PAN3: variants seen among roughly 807,000 people sequenced by gnomAD.
The protein encoded by PAN3 is poly(A) specific ribonuclease subunit PAN3, also known as PAN2-PAN3 deadenylation complex subunit PAN3.
PAN3 carries 19 observed loss-of-function variants against 96.2 expected under a neutral mutation model. The ratio of observed to expected loss-of-function variants is 0.20; its 90% confidence interval spans 0.14 to 0.29. The LOEUF is 0.29. Among genes scored for constraint, PAN3 ranks in the 10% least tolerant of loss-of-function variants. The probability of loss-of-function intolerance (pLI) is 1.00; values close to 1 mark genes in which losing one functional copy is unlikely to be tolerated. For synonymous variants in PAN3, 433 were observed against 406.6 expected, an observed-to-expected ratio of 1.06 and a Z score of -0.78; for missense variants, 882 against 1,108.1, an observed-to-expected ratio of 0.80 and a Z score of 2.90.
chr13:28,235,902 T>A (rs1020028200), intron 6 of PAN3, among the ~76,000 whole-genome samples: 2 of 151,598 alleles, frequency 1.3e-5, no homozygotes, highest in Admixed American at 6.6e-5. Context: ...TTTTTTTTTT[T>A]TATGGAGTTG....
chr13:28,181,813 G>C (rs1181743180), intron 4 of PAN3, among the ~76,000 whole-genome samples: 5 of 152,046 alleles, frequency 3.3e-5, no homozygotes, highest in Admixed American at 3.3e-4. Flanking sequence ...CAAAATTATA[G>C]GACCATGATT....
chr13:28,172,221 C>T (rs141582345), intron 1 of PAN3, among the ~76,000 whole-genome samples: 132 of 152,144 alleles, frequency 8.7e-4, no homozygotes, highest in African/African-American at 3.0e-3. Flanking sequence ...TTTGGGAGGC[C>T]GAGGCGGGTG....
chr13:28,209,826 T>G (rs900258625), intron 5 of PAN3, among the ~76,000 whole-genome samples: 1 of 152,046 alleles, frequency 6.6e-6, no homozygotes. Flanking sequence ...CTTTTACCAC[T>G]CTGGAGTGCG....
chr13:28,186,812 C>G (rs1379753963), intron 4 of PAN3, among the ~76,000 whole-genome samples: 2 of 151,748 alleles, frequency 1.3e-5, no homozygotes, highest in Admixed American at 6.6e-5. Flanking sequence ...GACAACAGAA[C>G]AAGACTGTTA....
In PAN3 at chr13:28,138,836, A is replaced by G. The variant is rs1869162517; in HGVS notation, c.179A>G (p.Tyr60Cys). ...RYYAKDKTCF[Y>C]GEECQFLHED... Reference sequence around the variant, plus strand: ...TACGCTAAGGATAAGACTTGCTTCTACGGGGAGGAGTGTCAGTTCCTGCAT... The same window carrying G: ...TACGCTAAGGATAAGACTTGCTTCTGCGGGGAGGAGTGTCAGTTCCTGCAT... The change falls in exon 1 of 19, where the codon TAC becomes TGC. Residue 60 changes from tyrosine (Y) to cysteine (C), a missense_variant. Tyr to Cys is a radical substitution (Grantham distance 194, BLOSUM62 -2). Coordinates refer to ENST00000380958, the MANE Select transcript of PAN3 (RefSeq NM_175854.8). 1 of 1,419,122 alleles carries G rather than the reference A, an allele frequency of 7.0e-7. No homozygotes were observed. The highest frequency in any genetic ancestry group is 1.5e-5 in the South Asian group (1 of 65,652). 87.9% of individuals were successfully genotyped at this position (1,419,122 alleles called of 1,614,324 possible). A position where few individuals can be genotyped will look rare whatever the true frequency, so the allele number is the denominator to read the frequency against.
chr13:28,218,139 A>G (rs1260842111), intron 5 of PAN3, among the ~76,000 whole-genome samples: 1 of 152,072 alleles, frequency 6.6e-6, no homozygotes, highest in Admixed American at 6.5e-5. Flanking sequence ...AAACCAGTAG[A>G]AGTTTTAAGA....
chr13:28,256,568 G>A (rs947327337), intron 7 of PAN3, 29 bp downstream of exon 7: 50 of 1,587,784 alleles, frequency 3.1e-5, no homozygotes, highest in Non-Finnish European at 4.0e-5. Context: ...GGAAATTTTA[G>A]TACTCTCTTG....
rs1566257272 is a variant in PAN3 at position 28,280,554 on chromosome 13, A to ATTT, written c.2319+13_2319+14insTTT. The ATTT allele has an allele frequency of 1.1e-5, 16 of 1,427,458 alleles. No homozygotes were observed. The highest frequency in any genetic ancestry group is 3.6e-4 in the Middle Eastern group (2 of 5,526). The allele number at this position is 1,427,458 out of a possible 1,614,324, so 88.4% of individuals were successfully genotyped here. On this transcript the variant is annotated intron_variant, in intron 16 of 18. Coordinates refer to ENST00000380958, the MANE Select transcript of PAN3 (RefSeq NM_175854.8). ...AGACCTTGCAAAGGTAAAGAGTGTAAATTTTTTTTTTTTTTTTTTTTTTTT... is the reference window on the plus strand; with the variant it reads ...AGACCTTGCAAAGGTAAAGAGTGTAATTTATTTTTTTTTTTTTTTTTTTTTTTT...
intron 4 of PAN3, among the ~76,000 whole-genome samples, chr13:28,185,518 G>A (rs1187596765): frequency 6.6e-6 from 1 of 152,082 alleles, no homozygotes; most frequent in Admixed American, 6.6e-5. Context: ...GTTTAATCCA[G>A]AAAACTTCCT....
At chr13:28,250,269 G>A (rs1177438969) in intron 6 of PAN3, among the ~76,000 whole-genome samples, 5 of 151,078 alleles carry the variant, frequency 3.3e-5, no homozygotes, top group East Asian at 1.9e-4. Flanking sequence ...ATCATAGCTC[G>A]CTTTACCATT....
At chr13:28,168,055 C>T (rs559810127) in intron 1 of PAN3, among the ~76,000 whole-genome samples, 1 of 152,270 alleles carries the variant, frequency 6.6e-6, no homozygotes, top group South Asian at 2.1e-4. Flanking sequence ...GACTTAATCA[C>T]CTTCTAAAGG....
intron 1 of PAN3, among the ~76,000 whole-genome samples, chr13:28,163,969 T>C (rs550241369): frequency 2.6e-5 from 4 of 152,294 alleles, no homozygotes; most frequent in African/African-American, 9.6e-5. Context: ...GGTGTGCGCC[T>C]GTAGTCCCAG....
At chr13:28,201,433 C>T (rs984903878) in intron 5 of PAN3, among the ~76,000 whole-genome samples, 55 of 152,034 alleles carry the variant, frequency 3.6e-4, no homozygotes, top group African/African-American at 1.3e-3. Context: ...GTAGTCCCAG[C>T]TACTTGGGAG....
At chr13:28,180,491 T>C (rs1261030060) in intron 4 of PAN3, among the ~76,000 whole-genome samples, 1 of 152,202 alleles carries the variant, frequency 6.6e-6, no homozygotes, top group Non-Finnish European at 1.5e-5. Context: ...GTATGACATA[T>C]TACACATAGT....
chr13:28,247,496 A>G (rs1884316050), intron 6 of PAN3, among the ~76,000 whole-genome samples: 4 of 152,114 alleles, frequency 2.6e-5, no homozygotes, highest in Admixed American at 2.6e-4. Context: ...ATCTTACGCA[A>G]AATATCTTTG....
At position 28,261,474 on chromosome 13, in the gene PAN3, ATCCT is replaced by A. The variant is rs1404848215; in HGVS notation, c.1411+22_1411+25del. 6.3e-7 allele frequency: 1 copy of A among 1,599,884 alleles called. No individual in the cohort carries two copies. The highest frequency in any genetic ancestry group is 1.3e-5 in the African/African-American group (1 of 74,472). The stretch of plus-strand genomic sequence containing the variant: ...GATATGCCAGGTAAAAAGCAAGTTG[ATCCT>A]TCCTTTCTTTTAAAGGCTGTTATAA... On this transcript the variant is annotated intron_variant, in intron 9 of 18. Coordinates refer to ENST00000380958, the MANE Select transcript of PAN3 (RefSeq NM_175854.8).
chr13:28,252,299 G>A lies in PAN3; in HGVS notation c.1001-3993G>A, dbSNP rs146717158. Among the ~76,000 whole-genome samples the A allele has an allele frequency of 3.3e-3, 496 of 150,698 alleles. 2 individuals are homozygous for A. The highest frequency in any genetic ancestry group is 0.011 in the African/African-American group (456 of 41,060). ...ACATTGGTAGGGGTTGAGGGAGGGTGTCCATGTTAGTTTAGTCTCTCATTT... is the reference window on the plus strand; with the variant it reads ...ACATTGGTAGGGGTTGAGGGAGGGTATCCATGTTAGTTTAGTCTCTCATTT... On this transcript the variant is annotated intron_variant, in intron 6 of 18. Transcript: ENST00000380958.
At chr13:28,202,052 A>AT (rs141424970) in intron 5 of PAN3, among the ~76,000 whole-genome samples, 6 of 147,418 alleles carry the variant, frequency 4.1e-5, no homozygotes, top group South Asian at 2.1e-4. Context: ...TCTACCTCTT[A>AT]TTTTTTTTTT....
At chr13:28,224,721 C>G (rs1881809220) in intron 6 of PAN3, among the ~76,000 whole-genome samples, 1 of 152,180 alleles carries the variant, frequency 6.6e-6, no homozygotes, top group Non-Finnish European at 1.5e-5. Context: ...AGCTCCGGCG[C>G]AAGCAATTCT....
Sources: gnomAD v4.1 joint callset for allele counts (sites outside exome capture counted in the v4.1 genomes callset) on GRCh38, gnomAD v4.1.1 for gene constraint, MANE v1.5 for transcripts, NCBI Gene and HGNC (gene_info 2026-07-23, HGNC 2026-07-21) for gene names.